The following FNBP1 variants were observed in gnomAD, a reference collection of about 807,000 sequenced individuals.
The protein encoded by FNBP1 is formin binding protein 1.
FNBP1 carries 26 observed loss-of-function variants against 90.6 expected under a neutral mutation model. The observed-to-expected ratio is 0.29, with a 90% CI of 0.21 to 0.40. The LOEUF (loss-of-function observed/expected upper bound fraction) is 0.40. FNBP1 is among the 10% of genes least tolerant of loss of function. The pLI is 1.00. For synonymous variants in FNBP1, 260 were observed against 265.2 expected (o/e 0.98, Z 0.19); for missense variants, 635 against 768.0 (o/e 0.83, Z 2.05).
intron 1 of FNBP1, among the ~76,000 whole-genome samples, chr9:130,000,570 C>T (rs1299881137): frequency 1.3e-5 from 2 of 152,090 alleles, no homozygotes; most frequent in Admixed American, 1.3e-4. Context: ...ACTGTTGAAA[C>T]ATTTCTTGTA....
chr9:129,922,061 A>T (rs940075639), intron 10 of FNBP1, among the ~76,000 whole-genome samples: 2 of 111,536 alleles, frequency 1.8e-5, no homozygotes, highest in Admixed American at 8.9e-5. Context: ...GGTAGGATTT[A>T]AAAAAAAAAA....
intron 2 of FNBP1, among the ~76,000 whole-genome samples, chr9:129,991,847 G>C (rs2053216388): frequency 1.3e-5 from 2 of 152,008 alleles, no homozygotes; most frequent in Non-Finnish European, 2.9e-5. Flanking sequence ...TTTTAGTACA[G>C]ATGGGGTTTC....
At chr9:130,013,748 TG>T (rs762923483) in intron 1 of FNBP1, 12 of 456,672 alleles carry the variant, frequency 2.6e-5, no homozygotes, top group Admixed American at 1.9e-4. Flanking sequence ...TAATGGGAAA[TG>T]GGGCCAAATA....
chr9:129,897,744 G>A (rs1436560485), intron 15 of FNBP1, among the ~76,000 whole-genome samples: 1 of 152,006 alleles, frequency 6.6e-6, no homozygotes, highest in East Asian at 1.9e-4. Flanking sequence ...AGCCTGGCCT[G>A]AGAGCTTCTT....
chr9:129,985,427 T>G (rs10122287), intron 2 of FNBP1, among the ~76,000 whole-genome samples: 1 of 152,176 alleles, frequency 6.6e-6, no homozygotes, highest in Non-Finnish European at 1.5e-5. Flanking sequence ...GTAATTTAAC[T>G]CAATTCATAT....
intron 6 of FNBP1, chr9:129,933,436 A>G (rs2043034995): frequency 6.6e-6 from 1 of 152,194 alleles, no homozygotes; most frequent in Admixed American, 6.6e-5. Flanking sequence ...ATCATGTTTT[A>G]GCTTTAGCTG....
In FNBP1 at chr9:129,929,046, T is replaced by C. The variant is rs367906628; in HGVS notation, c.642+521A>G. ...CCCAGGAGTTCAAAGCTGCAGTGGG[T>C]CGTGATTGTGCACTGCACTCCAGCC... On this transcript the variant is annotated intron_variant, in intron 7 of 16. Transcript: ENST00000446176. Among the ~76,000 whole-genome samples, 42 of 151,958 alleles carry C rather than the reference T, an allele frequency of 2.8e-4. No individual in the cohort carries two copies. The East Asian group carries it at 5.0e-3, about 18-fold the overall frequency.
chr9:129,910,147 T>C (rs1244144578), intron 11 of FNBP1: 1 of 456,240 alleles, frequency 2.2e-6, no homozygotes, highest in African/African-American at 2.0e-5. Context: ...TAAATTGTGA[T>C]GTCAAGTGCT....
At chr9:130,040,402 T>C (rs1198911862) in intron 1 of FNBP1, among the ~76,000 whole-genome samples, 1 of 152,140 alleles carries the variant, frequency 6.6e-6, no homozygotes, top group Admixed American at 6.5e-5. Flanking sequence ...GCGGATTACC[T>C]GACATCAGGA....
chr9:130,013,766 G>A (rs1241160605), intron 1 of FNBP1: 1 of 456,530 alleles, frequency 2.2e-6, no homozygotes, highest in Non-Finnish European at 4.4e-6. Flanking sequence ...AATAAAAGAT[G>A]GCAGAGCCCT....
chr9:130,044,234 C>T (rs779030563), upstream of FNBP1, among the ~76,000 whole-genome samples: 5 of 152,206 alleles, frequency 3.3e-5, no homozygotes, highest in African/African-American at 4.8e-5. Flanking sequence ...CGTGCGACTC[C>T]CAACATGGGC....
chr9:129,958,426 C>T lies in FNBP1; in HGVS notation c.408+65G>A, dbSNP rs7868907. ...CAACCTGGGCAACAGAGGGAGCCTC[C>T]GTCTCAAAAAAAAAGAAAAAAAAAT... On this transcript the variant is annotated intron_variant, in intron 5 of 16. Transcript: ENST00000446176. 1.9e-3 allele frequency: 2,360 copies of T among 1,253,834 alleles called. 35 individuals carry two copies. The African/African-American group carries it at 0.038, about 20-fold the overall frequency. The allele number at this position is 1,253,834 out of a possible 1,614,324, so 77.7% of individuals were successfully genotyped here.
intron 13 of FNBP1, 113 bp downstream of exon 13, chr9:129,902,756 A>G: frequency 9.6e-7 from 1 of 1,042,560 alleles, no homozygotes; most frequent in South Asian, 1.6e-5. Flanking sequence ...ACAGCCTGCC[A>G]TTCCCACTGT....
At chr9:129,916,137 G>A (rs1240624628) in intron 10 of FNBP1, 157 bp from the exon 11 acceptor site, 1 of 615,846 alleles carries the variant, frequency 1.6e-6, no homozygotes, top group Non-Finnish European at 2.9e-6. Flanking sequence ...AAAATGACTT[G>A]TAGCAGATCT....
At chr9:130,021,136 G>C (rs2057791601) in intron 1 of FNBP1, among the ~76,000 whole-genome samples, 2 of 152,164 alleles carry the variant, frequency 1.3e-5, no homozygotes, top group African/African-American at 4.8e-5. Context: ...GTGAGTTGTA[G>C]GCAATGACAC....
At chr9:129,911,659 G>A (rs2039299939) in intron 11 of FNBP1, among the ~76,000 whole-genome samples, 2 of 152,086 alleles carry the variant, frequency 1.3e-5, no homozygotes, top group Non-Finnish European at 2.9e-5. Context: ...GTGGCCAGGC[G>A]CAGTGGCTCA....
intron 15 of FNBP1, among the ~76,000 whole-genome samples, chr9:129,897,382 A>G (rs1003155882): frequency 1.3e-5 from 2 of 152,098 alleles, no homozygotes; most frequent in African/African-American, 4.8e-5. Context: ...GGATGGTTGG[A>G]ATATGAAGTA....
chr9:129,974,476 G>GGAATCATTT (rs1257498554), intron 4 of FNBP1, among the ~76,000 whole-genome samples: 1 of 152,154 alleles, frequency 6.6e-6, no homozygotes, highest in East Asian at 1.9e-4. Flanking sequence ...CAATATTATT[G>GGAATCATTT]GAATCATTTT....
At chr9:129,905,294 G>GTGTATATATATATATATATATATATATA (rs374989661) in intron 12 of FNBP1, among the ~76,000 whole-genome samples, 28 of 132,326 alleles carry the variant, frequency 2.1e-4, no homozygotes, top group African/African-American at 3.5e-4. Flanking sequence ...GTGTGTGTGT[G>GTGTATATATATATATATATATATATATA]TATATATATA....
Sources: gnomAD v4.1 joint callset for allele counts (sites outside exome capture counted in the v4.1 genomes callset) on GRCh38, gnomAD v4.1.1 for gene constraint, MANE v1.5 for transcripts, NCBI Gene and HGNC (gene_info 2026-07-23, HGNC 2026-07-21) for gene names.